The following ADAMTSL3 variants were observed in gnomAD, a reference collection of about 807,000 sequenced individuals.
ADAMTSL3 encodes ADAMTS-like protein 3.
ADAMTSL3 carries 128 observed loss-of-function variants against 201.7 expected under a neutral mutation model. The ratio of observed to expected loss-of-function variants is 0.63; its 90% confidence interval spans 0.55 to 0.73. ADAMTSL3 has a LOEUF of 0.73. Among genes scored for constraint, ADAMTSL3 ranks in the 30% least tolerant of loss-of-function variants. ADAMTSL3 has a pLI of 0.00. For synonymous variants in ADAMTSL3, 738 were observed against 748.4 expected, an observed-to-expected ratio of 0.99 and a Z score of 0.23; for missense variants, 1,990 against 2,119.6, an observed-to-expected ratio of 0.94 and a Z score of 1.20.
At chr15:83,823,882 T>C (rs997192055) in intron 6 of ADAMTSL3, among the ~76,000 whole-genome samples, 13 of 107,942 alleles carry the variant, frequency 1.2e-4, no homozygotes, top group South Asian at 4.1e-4. Flanking sequence ...TCCATTTCCT[T>C]CTTCTTCTTC....
chr15:83,875,124 G>A (rs1189837748), intron 9 of ADAMTSL3, among the ~76,000 whole-genome samples: 1 of 152,222 alleles, frequency 6.6e-6, no homozygotes, highest in African/African-American at 2.4e-5. Context: ...GAAAAAAGAG[G>A]GAGAGAAAGC....
chr15:83,815,000 G>T (rs1417221090), intron 5 of ADAMTSL3, among the ~76,000 whole-genome samples: 4 of 152,186 alleles, frequency 2.6e-5, no homozygotes, highest in African/African-American at 9.7e-5. Context: ...TTTTCAAGAT[G>T]GTTTGGGAAA....
intron 2 of ADAMTSL3, among the ~76,000 whole-genome samples, chr15:83,671,155 C>A (rs552967080): frequency 6.6e-6 from 1 of 152,142 alleles, no homozygotes; most frequent in Non-Finnish European, 1.5e-5. Flanking sequence ...GTTTTTATAT[C>A]AAGATTTTCA....
At chr15:83,767,254 G>T (rs1405014251) in intron 3 of ADAMTSL3, among the ~76,000 whole-genome samples, 1 of 152,122 alleles carries the variant, frequency 6.6e-6, no homozygotes, top group Non-Finnish European at 1.5e-5. Flanking sequence ...CAGTACTCAC[G>T]CTGTGCATTA....
rs886413269 is a variant in ADAMTSL3 at position 84,036,910 on chromosome 15, A to G, written c.4892A>G (p.Lys1631Arg). Reference sequence around the variant, plus strand: ...GACTGTATCCACACAAGGAGTTGCAAACCTGTGGCCAAGAGACACTGTGTA... The same window carrying G: ...GACTGTATCCACACAAGGAGTTGCAGACCTGTGGCCAAGAGACACTGTGTA... ...KVDCIHTRSC[K>R]PVAKRHCVQK... Residue 1631 changes from lysine (K) to arginine (R), a missense_variant, in exon 29 of 30, where the codon AAA becomes AGA. Transcript: ENST00000286744. 2.5e-6 allele frequency: 4 copies of G among 1,613,976 alleles called. No homozygotes were observed. Among genetic ancestry groups the G allele is most frequent in the South Asian group, 2.2e-5 (2 of 91,084 alleles).
chr15:83,797,484 C>T (rs1251198515), intron 4 of ADAMTSL3, among the ~76,000 whole-genome samples: 2 of 152,044 alleles, frequency 1.3e-5, no homozygotes, highest in East Asian at 3.9e-4. Context: ...GCCTGTAATC[C>T]CAGCTACTCG....
intron 20 of ADAMTSL3, among the ~76,000 whole-genome samples, chr15:83,973,160 C>G (rs941910398): frequency 6.6e-6 from 1 of 152,180 alleles, no homozygotes; most frequent in Non-Finnish European, 1.5e-5. Flanking sequence ...CTCATCAATT[C>G]CACTGACCCC....
chr15:83,947,755 A>G (rs1301232144), intron 19 of ADAMTSL3, among the ~76,000 whole-genome samples: 1 of 151,924 alleles, frequency 6.6e-6, no homozygotes, highest in Non-Finnish European at 1.5e-5. Flanking sequence ...ATCCTTTTCC[A>G]TTGCTACACT....
intron 16 of ADAMTSL3, among the ~76,000 whole-genome samples, chr15:83,915,082 T>A (rs1157822236): frequency 6.6e-6 from 1 of 152,220 alleles, no homozygotes; most frequent in Non-Finnish European, 1.5e-5. Context: ...GCTGTCTCCA[T>A]TGCTTCTGAG....
At chr15:83,798,623 T>C (rs1033219706) in intron 4 of ADAMTSL3, among the ~76,000 whole-genome samples, 1 of 151,874 alleles carries the variant, frequency 6.6e-6, no homozygotes, top group Non-Finnish European at 1.5e-5. Flanking sequence ...CTGACCAACA[T>C]GGTGAAACCC....
intron 7 of ADAMTSL3, among the ~76,000 whole-genome samples, chr15:83,841,664 G>A (rs1277798942): frequency 1.3e-5 from 2 of 152,024 alleles, no homozygotes; most frequent in Admixed American, 1.3e-4. Context: ...ACGGGAGGGG[G>A]GGCAGGAAAT....
At chr15:83,771,219 A>G (rs2062978185) in intron 3 of ADAMTSL3, among the ~76,000 whole-genome samples, 1 of 146,166 alleles carries the variant, frequency 6.8e-6, no homozygotes, top group Admixed American at 6.9e-5. Context: ...TGCTGTGCCA[A>G]TTCTCTACTC....
intron 3 of ADAMTSL3, among the ~76,000 whole-genome samples, chr15:83,740,612 A>G (rs1234837709): frequency 6.6e-6 from 1 of 152,210 alleles, no homozygotes; most frequent in Non-Finnish European, 1.5e-5. Flanking sequence ...ACAAACGGAC[A>G]TAAAGATAAG....
chr15:83,767,522 A>G (rs975212966), intron 3 of ADAMTSL3, among the ~76,000 whole-genome samples: 11 of 152,202 alleles, frequency 7.2e-5, no homozygotes, highest in African/African-American at 2.7e-4. Flanking sequence ...AAACACAGAC[A>G]TTCACCTGGG....
intron 5 of ADAMTSL3, among the ~76,000 whole-genome samples, chr15:83,811,908 C>T (rs368692561): frequency 7.2e-5 from 11 of 152,302 alleles, no homozygotes; most frequent in African/African-American, 1.2e-4. Context: ...TTTGTCTCCA[C>T]GTGCCACAGT....
At chr15:83,932,650 A>G (rs1053736774) in intron 17 of ADAMTSL3, among the ~76,000 whole-genome samples, 1 of 152,210 alleles carries the variant, frequency 6.6e-6, no homozygotes, top group Non-Finnish European at 1.5e-5. Flanking sequence ...GTAGCCCTTT[A>G]TGTAGGAGTA....
intron 23 of ADAMTSL3, among the ~76,000 whole-genome samples, chr15:83,994,586 G>GTTTTTTT (rs3045402): frequency 8.0e-5 from 4 of 50,228 alleles, no homozygotes; most frequent in Non-Finnish European, 1.1e-4. Context: ...TTGTTTTTTC[G>GTTTTTTT]TTTTTTTTTT....
chr15:83,903,789 A>C (rs2065773573), intron 15 of ADAMTSL3, among the ~76,000 whole-genome samples: 1 of 150,864 alleles, frequency 6.6e-6, no homozygotes, highest in Non-Finnish European at 1.5e-5. Flanking sequence ...GTGGTGGTAC[A>C]TGCTTGTAGT....
chr15:83,765,966 TAA>T (rs2062882927), intron 3 of ADAMTSL3, among the ~76,000 whole-genome samples: 1 of 152,086 alleles, frequency 6.6e-6, no homozygotes, highest in Non-Finnish European at 1.5e-5. Context: ...AAGAAGAAAG[TAA>T]AAAGTGTTTG....
Sources: gnomAD v4.1 joint callset for allele counts (sites outside exome capture counted in the v4.1 genomes callset) on GRCh38, gnomAD v4.1.1 for gene constraint, MANE v1.5 for transcripts, NCBI Gene and HGNC (gene_info 2026-07-23, HGNC 2026-07-21) for gene names.